CNOT1: variants seen among roughly 807,000 people sequenced by gnomAD.
CNOT1 encodes CCR4-NOT transcription complex subunit 1, also known as CCR4-associated factor 1.
CNOT1 carries 15 observed loss-of-function variants against 273.8 expected under a neutral mutation model. That is an observed-to-expected ratio of 0.05 (90% CI 0.04 to 0.08). The LOEUF (loss-of-function observed/expected upper bound fraction) is 0.08, where lower values mean the gene tolerates loss of function less well. Among genes scored for constraint, CNOT1 ranks in the 10% least tolerant of loss-of-function variants. CNOT1 has a pLI of 1.00. For missense variants in CNOT1, 1,644 were observed against 2,912.2 expected, an observed-to-expected ratio of 0.56 and a Z score of 10.02; for synonymous variants, 1,022 against 1,005.5, an observed-to-expected ratio of 1.02 and a Z score of -0.31.
At chr16:58,556,176 G>A (rs1057159062) in intron 19 of CNOT1, among the ~76,000 whole-genome samples, 2 of 152,104 alleles carry the variant, frequency 1.3e-5, no homozygotes, top group African/African-American at 4.8e-5. Context: ...AACTCATAAC[G>A]CACTTACCCT....
intron 8 of CNOT1, among the ~76,000 whole-genome samples, chr16:58,585,082 T>C (rs1168742287): frequency 6.6e-6 from 1 of 152,132 alleles, no homozygotes; most frequent in Admixed American, 6.6e-5. Context: ...AGCCAAAATA[T>C]GCCTATTGTG....
rs771966361 is a variant in CNOT1, at chr16:58,578,685, C to A, written c.1584+14G>T. The A allele has an allele frequency of 1.9e-5, 30 of 1,611,048 alleles. No homozygotes were observed. The South Asian group carries it at 3.0e-4, about 16-fold the overall frequency. On this transcript the variant is annotated intron_variant, in intron 13 of 48. Transcript: ENST00000317147. ...TTCAGATGAAAAAATGGTAAGCACA[C>A]GGTCACATCTTACCTGCCCATGCCA... is the stretch of plus-strand genomic sequence containing the variant.
chr16:58,586,696 G>A lies in CNOT1; in HGVS notation c.486C>T (p.Asp162=), dbSNP rs1048515497. 50 of 1,613,198 alleles carry A rather than the reference G, an allele frequency of 3.1e-5. No individual in the cohort carries two copies. Among genetic ancestry groups the A allele is most frequent in the Non-Finnish European group, 3.9e-5 (46 of 1,179,932 alleles). ...KLPDLLRSYI[D]ADVSGNQEGG... is the part of the protein sequence containing the mutation. ...CTTCTTGATTTCCACTGACGTCTGC[G>A]TCAATGTAAGAACGCAGAAGATCTG... Residue 162 remains aspartate (D), a synonymous_variant, in exon 7 of 49, where the codon GAC becomes GAT. Transcript: ENST00000317147.
In CNOT1 at chr16:58,557,022, C is replaced by T. The variant is rs369186735; in HGVS notation, c.2333-29G>A. On this transcript the variant is annotated intron_variant, in intron 18 of 48. Coordinates refer to ENST00000317147, the MANE Select transcript of CNOT1 (RefSeq NM_016284.5). ...GAGAGAACGAAGGCAGCCACAAATC[C>T]TATCATTATTCATATTCTTGATTTT... 93 of 1,606,336 alleles carry T rather than the reference C, an allele frequency of 5.8e-5. No individual in the cohort carries two copies. The African/African-American group carries it at 1.0e-3, about 18-fold the overall frequency.
intron 30 of CNOT1, 49 bp downstream of exon 30, chr16:58,545,312 T>C (rs1567397214): frequency 6.3e-7 from 1 of 1,599,192 alleles, no homozygotes; most frequent in East Asian, 2.2e-5. Flanking sequence ...AAACAAAATT[T>C]ACCTTATCAC....
Position 58,599,399 on chromosome 16 carries a change from G to A in CNOT1, c.-62C>T. 6.2e-7 allele frequency: 1 copy of A among 1,607,276 alleles called. No individual in the cohort carries two copies. The highest frequency in any genetic ancestry group is 1.1e-5 in the South Asian group (1 of 90,916). ...GCAAAATCACCATTATTCCCCTTTA[G>A]TCACCTCAGAGGCAGGTTAATGCTT... is the stretch of plus-strand genomic sequence containing the variant. On this transcript the variant is annotated 5_prime_UTR_variant, in exon 2 of 49. Coordinates refer to ENST00000317147, the MANE Select transcript of CNOT1 (RefSeq NM_016284.5).
chr16:58,589,117 A>T (rs2041968530), intron 2 of CNOT1, among the ~76,000 whole-genome samples: 1 of 152,100 alleles, frequency 6.6e-6, no homozygotes, highest in African/African-American at 2.4e-5. Context: ...GCCCAGGCTG[A>T]TCTCCAACTC....
Position 58,551,176 on chromosome 16 carries a change from C to A in CNOT1, c.3298G>T (p.Ala1100Ser). Reference sequence around the variant, plus strand: ...TGTGAGAGATTATTGAAAATAAAAGCAATTTTCTCCTGGATATTTTCTGGG... The same window carrying A: ...TGTGAGAGATTATTGAAAATAAAAGAAATTTTCTCCTGGATATTTTCTGGG... ...EPPENIQEKI[A>S]FIFNNLSQSN... Residue 1100 changes from alanine to serine, a missense_variant, in exon 24 of 49, where the codon GCT becomes TCT. Ala to Ser is a moderately conservative substitution (Grantham distance 99). Around this residue, in one of 13 missense-constraint regions of CNOT1, gnomAD observed 124 missense variants for 289.3 expected, o/e 0.43. Transcript: ENST00000317147. 6.2e-7 allele frequency: 1 copy of A among 1,608,316 alleles called. No individual in the cohort carries two copies. The highest frequency in any genetic ancestry group is 1.1e-5 in the South Asian group (1 of 89,400).
chr16:58,597,206 T>C (rs1051179906), intron 2 of CNOT1, among the ~76,000 whole-genome samples: 7 of 151,668 alleles, frequency 4.6e-5, no homozygotes, highest in Admixed American at 4.6e-4. Flanking sequence ...TCACAGCACT[T>C]TGGGAGCCTG....
chr16:58,580,686 G>A lies in CNOT1; in HGVS notation c.1290C>T (p.Ala430=), dbSNP rs1183835437. The change falls in exon 12 of 49, where the codon GCC becomes GCT. Residue 430 remains alanine (A), a synonymous_variant. Transcript: ENST00000317147. ...CFADYPCHTV[A]TDILKAPPED... ...CTGGTGGTGCTTTCAGAATATCAGT[G>A]GCAACAGTATGACAGGGATAGTCAG... 2 of 1,613,190 alleles carry A rather than the reference G, an allele frequency of 1.2e-6. No homozygotes were observed. The highest frequency in any genetic ancestry group is 1.7e-6 in the Non-Finnish European group (2 of 1,179,560).
At chr16:58,545,236 C>T in intron 30 of CNOT1, 125 bp downstream of exon 30, 1 of 1,457,784 alleles carries the variant, frequency 6.9e-7, no homozygotes, top group Non-Finnish European at 9.2e-7. Context: ...GATCTCCATC[C>T]TCTCTGACAA....
chr16:58,577,231 A>G (rs904241956), intron 13 of CNOT1, among the ~76,000 whole-genome samples: 3 of 152,210 alleles, frequency 2.0e-5, no homozygotes, highest in African/African-American at 7.2e-5. Flanking sequence ...TATCCCAGTT[A>G]ATTGTCCTAG....
intron 16 of CNOT1, among the ~76,000 whole-genome samples, chr16:58,570,827 CA>C (rs1280464062): frequency 2.6e-5 from 4 of 151,496 alleles, no homozygotes; most frequent in African/African-American, 9.7e-5. Context: ...AGAAACAAAA[CA>C]AAAAATAAAG....
intron 40 of CNOT1, chr16:58,532,608 T>A: frequency 1.3e-6 from 1 of 772,218 alleles, no homozygotes; most frequent in Non-Finnish European, 1.9e-6. Flanking sequence ...CATTTCAACA[T>A]CCTTGGACCA....
At chr16:58,559,616 T>A (rs2040761291) in intron 17 of CNOT1, among the ~76,000 whole-genome samples, 1 of 152,210 alleles carries the variant, frequency 6.6e-6, no homozygotes, top group Non-Finnish European at 1.5e-5. Context: ...CACTACTTCA[T>A]ACCTTCATGG....
At chr16:58,608,463 G>A (rs2042766237) in intron 1 of CNOT1, among the ~76,000 whole-genome samples, 3 of 151,232 alleles carry the variant, frequency 2.0e-5, no homozygotes, top group South Asian at 4.2e-4. Context: ...GCTGAGGCAG[G>A]AGAATTGTTG....
At chr16:58,545,294 A>C in intron 30 of CNOT1, 67 bp downstream of exon 30, 3 of 1,587,450 alleles carry the variant, frequency 1.9e-6, no homozygotes, top group Admixed American at 3.5e-5. Flanking sequence ...GCTGAAGAAA[A>C]GGTGGCCAAA....
chr16:58,608,655 G>C (rs2042777338), intron 1 of CNOT1, among the ~76,000 whole-genome samples: 1 of 68,394 alleles, frequency 1.5e-5, no homozygotes, highest in Non-Finnish European at 3.0e-5. Context: ...ATACAAAAAA[G>C]ATACTTGCAC....
intron 24 of CNOT1, among the ~76,000 whole-genome samples, chr16:58,550,102 T>C (rs919319014): frequency 4.6e-5 from 7 of 152,246 alleles, no homozygotes; most frequent in African/African-American, 9.6e-5. Context: ...CATACGTGAT[T>C]GGGACTGAAA....
Sources: allele counts gnomAD v4.1 joint callset (sites outside exome capture counted in the v4.1 genomes callset), GRCh38; gene constraint gnomAD v4.1.1; regional missense constraint gnomAD v4.1.1; transcripts MANE v1.5; gene names NCBI Gene and HGNC (gene_info 2026-07-23, HGNC 2026-07-21).